Variants in CSMD1 observed in about 807,000 individuals in gnomAD.
CSMD1 encodes the protein CUB and sushi domain-containing protein 1.
Under a neutral mutation model 417.5 loss-of-function variants are expected in CSMD1, and 213 were observed. That is an observed-to-expected ratio of 0.51 (90% confidence interval 0.46 to 0.57). The LOEUF (loss-of-function observed/expected upper bound fraction) is 0.57. CSMD1 is among the 20% of genes least tolerant of loss of function. The pLI, the probability that CSMD1 is intolerant of heterozygous loss-of-function variation, is 0.00. For synonymous variants in CSMD1, 2,862 were observed against 1,736.8 expected, an observed-to-expected ratio of 1.65 and a Z score of -16.11; for missense variants, 6,923 against 4,529.7, an observed-to-expected ratio of 1.53 and a Z score of -15.17.
At chr8:3,522,530 C>T (rs1169901348) in intron 10 of CSMD1, among the ~76,000 whole-genome samples, 1 of 151,958 alleles carries the variant, frequency 6.6e-6, no homozygotes, top group African/African-American at 2.4e-5. Context: ...CATTGGTAGC[C>T]CCCTGAGTTA....
chr8:3,627,070 G>C (rs943321598), intron 7 of CSMD1, among the ~76,000 whole-genome samples: 1 of 152,112 alleles, frequency 6.6e-6, no homozygotes, highest in Non-Finnish European at 1.5e-5. Flanking sequence ...TTATCTGGTT[G>C]AGAATTGCTG....
At chr8:4,134,540 G>C (rs757632004) in intron 3 of CSMD1, among the ~76,000 whole-genome samples, 1 of 152,164 alleles carries the variant, frequency 6.6e-6, no homozygotes, top group Non-Finnish European at 1.5e-5. Flanking sequence ...TGTTGTTTAA[G>C]CCACCTAGTC....
intron 3 of CSMD1, among the ~76,000 whole-genome samples, chr8:4,214,830 G>C (rs897625321): frequency 6.6e-6 from 1 of 152,010 alleles, no homozygotes; most frequent in African/African-American, 2.4e-5. Flanking sequence ...GAACAAATTT[G>C]AAATAAAAAA....
At chr8:3,468,691 T>G (rs773625531) in intron 12 of CSMD1, 21 bp downstream of exon 12, 1 of 1,490,858 alleles carries the variant, frequency 6.7e-7, no homozygotes, top group Non-Finnish European at 9.2e-7. Flanking sequence ...TCCAACCCTG[T>G]GAAGTGTAAT....
intron 25 of CSMD1, among the ~76,000 whole-genome samples, chr8:3,303,548 C>G (rs1161336925): frequency 2.6e-5 from 4 of 152,168 alleles, no homozygotes; most frequent in Non-Finnish European, 5.9e-5. Flanking sequence ...ACTATACTAC[C>G]AAATGCAATT....
At chr8:3,971,768 G>C (rs768624842) in intron 5 of CSMD1, among the ~76,000 whole-genome samples, 2 of 152,114 alleles carry the variant, frequency 1.3e-5, no homozygotes, top group Non-Finnish European at 2.9e-5. Flanking sequence ...TCAGTAAAAG[G>C]AATTACCAGT....
chr8:3,156,438 G>C (rs1370216521), intron 39 of CSMD1, among the ~76,000 whole-genome samples: 2 of 152,164 alleles, frequency 1.3e-5, no homozygotes, highest in African/African-American at 2.4e-5. Context: ...GCAAGTCTCT[G>C]TCACCAAAGC....
intron 3 of CSMD1, among the ~76,000 whole-genome samples, chr8:4,087,078 C>G (rs970901659): frequency 6.6e-6 from 1 of 152,192 alleles, no homozygotes; most frequent in African/African-American, 2.4e-5. Flanking sequence ...GATGCGTCAT[C>G]CAAGCTTAGC....
chr8:3,366,541 C>A (rs1809577519), intron 20 of CSMD1, among the ~76,000 whole-genome samples: 1 of 152,132 alleles, frequency 6.6e-6, no homozygotes. Flanking sequence ...TTTGTCATTG[C>A]ATATGAATAT....
intron 3 of CSMD1, among the ~76,000 whole-genome samples, chr8:4,315,694 T>C (rs562006127): frequency 1.2e-4 from 18 of 152,302 alleles, no homozygotes; most frequent in African/African-American, 3.1e-4. Context: ...AAAATAGCCA[T>C]TGAAGTCATA....
In CSMD1 at chr8:4,457,549, A is replaced by T. The variant is rs1044294833; in HGVS notation, c.303-37484T>A. ...ATTAAGAAAATTTCAATTTTATACT[A>T]GATGGGCCTGTTAATTTATTGTCTC... On this transcript the variant is annotated intron_variant, in intron 2 of 69. Coordinates refer to ENST00000635120, the MANE Select transcript of CSMD1 (RefSeq NM_033225.6). Among the ~76,000 whole-genome samples, 5 of 152,174 alleles carry T rather than the reference A, an allele frequency of 3.3e-5. No individual in the cohort carries two copies. In the East Asian group the frequency reaches 9.6e-4, roughly 29 times the overall value.
intron 3 of CSMD1, among the ~76,000 whole-genome samples, chr8:4,384,377 G>C (rs1166963927): frequency 1.3e-5 from 2 of 152,138 alleles, no homozygotes; most frequent in East Asian, 1.9e-4. Context: ...TCACTATGAA[G>C]CTACAAAATA....
chr8:3,320,672 C>T (rs1001168506), intron 23 of CSMD1, among the ~76,000 whole-genome samples: 5 of 152,170 alleles, frequency 3.3e-5, no homozygotes, highest in Non-Finnish European at 7.4e-5. Context: ...GAGCGCAGTT[C>T]CTCCTTTTCC....
chr8:4,553,849 C>G (rs923544644), intron 2 of CSMD1, among the ~76,000 whole-genome samples: 1 of 152,110 alleles, frequency 6.6e-6, no homozygotes, highest in Non-Finnish European at 1.5e-5. Context: ...GCTGGGAAGA[C>G]ACAGGACTGG....
chr8:3,909,135 G>C (rs149434592), intron 5 of CSMD1, among the ~76,000 whole-genome samples: 2 of 152,316 alleles, frequency 1.3e-5, no homozygotes, highest in African/African-American at 2.4e-5. Flanking sequence ...GGAGAGGCTT[G>C]AAGTGGATCG....
At chr8:4,758,622 G>C (rs1451537934) in intron 1 of CSMD1, among the ~76,000 whole-genome samples, 1 of 152,200 alleles carries the variant, frequency 6.6e-6, no homozygotes, top group Non-Finnish European at 1.5e-5. Context: ...AATTGACTCA[G>C]TTCCACATGG....
chr8:4,318,999 G>C (rs1799104348), intron 3 of CSMD1, among the ~76,000 whole-genome samples: 1 of 152,142 alleles, frequency 6.6e-6, no homozygotes, highest in African/African-American at 2.4e-5. Flanking sequence ...TAAACAGCTT[G>C]AGGCCTTAAG....
chr8:4,194,853 T>G (rs1799237783), intron 3 of CSMD1, among the ~76,000 whole-genome samples: 1 of 152,246 alleles, frequency 6.6e-6, no homozygotes, highest in Non-Finnish European at 1.5e-5. Context: ...GATCTCCCAC[T>G]GTATTATACC....
chr8:4,679,178 G>A (rs184480600), intron 1 of CSMD1, among the ~76,000 whole-genome samples: 5 of 152,186 alleles, frequency 3.3e-5, no homozygotes, highest in Non-Finnish European at 1.5e-5. Flanking sequence ...AAGTTCTATT[G>A]AATCTGGCTC....
Sources: allele counts gnomAD v4.1 joint callset (sites outside exome capture counted in the v4.1 genomes callset), GRCh38; gene constraint gnomAD v4.1.1; transcripts MANE v1.5; gene names NCBI Gene and HGNC (gene_info 2026-07-23, HGNC 2026-07-21).